The following TOLLIP variants were observed in gnomAD, a reference collection of about 807,000 sequenced individuals.
The protein encoded by TOLLIP is toll interacting protein.
Under a neutral mutation model 33.5 loss-of-function variants are expected in TOLLIP, and 16 were observed. That is an observed-to-expected ratio of 0.48 (90% CI 0.32 to 0.72). The LOEUF (loss-of-function observed/expected upper bound fraction) is 0.72. TOLLIP is among the 30% of genes least tolerant of loss of function. The pLI is 0.03. For missense variants in TOLLIP, 325 were observed against 396.6 expected (o/e 0.82, Z 1.53); for synonymous variants, 176 against 163.7 (o/e 1.07, Z -0.57).
In TOLLIP at chr11:1,288,832, C is replaced by T. The variant is rs185979803; in HGVS notation, c.367-56G>A. On this transcript the variant is annotated intron_variant, in intron 3 of 5. Transcript: ENST00000317204. ...CATCAGGGAAGGGGCCACCCTGCCC[C>T]TGCAGCCGCACCATCGTGGGCCCGC... is the stretch of plus-strand genomic sequence containing the variant. 1.2e-4 allele frequency: 195 copies of T among 1,572,916 alleles called. 1 individual carries two copies. The African/African-American group carries it at 2.4e-3, about 19-fold the overall frequency.
intron 4 of TOLLIP, 30 bp downstream of exon 4, chr11:1,288,594 C>A: frequency 6.9e-6 from 11 of 1,585,672 alleles, no homozygotes; most frequent in Non-Finnish European, 9.4e-6. Context: ...TACCCCAATG[C>A]GCCCCACCCC....
intron 5 of TOLLIP, among the ~76,000 whole-genome samples, chr11:1,281,338 C>T (rs945060653): frequency 1.3e-5 from 2 of 152,186 alleles, no homozygotes; most frequent in South Asian, 2.1e-4. Flanking sequence ...CTCAGCGCCC[C>T]GGCTTCTGAG....
intron 1 of TOLLIP, among the ~76,000 whole-genome samples, chr11:1,309,027 G>T (rs1034554131): frequency 2.0e-5 from 3 of 151,734 alleles, no homozygotes; most frequent in African/African-American, 7.3e-5. Flanking sequence ...CCACCTGGGG[G>T]ACCATTAGGG....
intron 5 of TOLLIP, among the ~76,000 whole-genome samples, chr11:1,284,033 G>C (rs567713421): frequency 1.3e-5 from 2 of 152,326 alleles, no homozygotes; most frequent in African/African-American, 2.4e-5. Flanking sequence ...ACCCCACGAC[G>C]GCGGCTCTGG....
chr11:1,281,600 G>C (rs1237299493), intron 5 of TOLLIP, among the ~76,000 whole-genome samples: 2 of 152,244 alleles, frequency 1.3e-5, no homozygotes, highest in African/African-American at 4.8e-5. Flanking sequence ...CGGCTGAAGG[G>C]GCTGGCGAGA....
intron 1 of TOLLIP, among the ~76,000 whole-genome samples, chr11:1,297,430 C>T (rs900511013): frequency 2.6e-5 from 4 of 152,196 alleles, no homozygotes; most frequent in African/African-American, 4.8e-5. Context: ...GGGACCCGGA[C>T]GATCCAGGCA....
In TOLLIP at chr11:1,286,095, G is replaced by T; in HGVS notation, c.520-3C>A. 1 of 1,590,392 alleles carries T rather than the reference G, an allele frequency of 6.3e-7. No homozygotes were observed. Among genetic ancestry groups the T allele is most frequent in the Non-Finnish European group, 8.6e-7 (1 of 1,169,408 alleles). ...ATCACCATGGCAGCTGGAAGCAGCT[G>T]AAACACAGCGGAGATGGTCCCGGGG... On this transcript the variant is annotated splice_polypyrimidine_tract_variant and splice_region_variant and intron_variant, in intron 4 of 5. Transcript: ENST00000317204.
chr11:1,295,792 C>A lies in TOLLIP; in HGVS notation c.36G>T (p.Val12=). The A allele has an allele frequency of 6.4e-7, 1 of 1,561,482 alleles. No individual in the cohort carries two copies. The highest frequency in any genetic ancestry group is 8.7e-7 in the Non-Finnish European group (1 of 1,151,590). Residue 12 remains valine (V), a splice_region_variant and synonymous_variant, in exon 2 of 6, where the codon GTG becomes GTT. Coordinates refer to ENST00000317204, the MANE Select transcript of TOLLIP (RefSeq NM_019009.4). The part of the protein sequence containing the change: ...ATTVSTQRGP[V]YIGELPQDFL... ...AGTCCTGCGGGAGCTCACCGATGTA[C>A]ACCTGCGGGGCCGGGGACCAGAGAG...
intron 2 of TOLLIP, among the ~76,000 whole-genome samples, chr11:1,293,014 C>T (rs1197523205): frequency 6.6e-6 from 1 of 152,148 alleles, no homozygotes; most frequent in Non-Finnish European, 1.5e-5. Context: ...AACGGACCTA[C>T]TCTGGCCACG....
At chr11:1,292,998 C>A (rs937312196) in intron 2 of TOLLIP, among the ~76,000 whole-genome samples, 3 of 152,178 alleles carry the variant, frequency 2.0e-5, no homozygotes, top group African/African-American at 7.2e-5. Context: ...GAAAGGCCCA[C>A]GCGGGAACGG....
chr11:1,292,031 C>A (rs1485445223), intron 2 of TOLLIP: 2 of 152,326 alleles, frequency 1.3e-5, no homozygotes, highest in Admixed American at 1.3e-4. Flanking sequence ...TAGGTCAAAA[C>A]TGCCCCATTC....
intron 4 of TOLLIP, 78 bp from the exon 5 acceptor site, chr11:1,286,170 A>T (rs1863686671): frequency 8.8e-7 from 1 of 1,140,576 alleles, no homozygotes; most frequent in East Asian, 2.6e-5. Flanking sequence ...CCCTCCCCAC[A>T]ATTGCCCTCC....
intron 2 of TOLLIP, among the ~76,000 whole-genome samples, chr11:1,293,625 C>T (rs1277305550): frequency 6.6e-6 from 1 of 152,262 alleles, no homozygotes; most frequent in Non-Finnish European, 1.5e-5. Flanking sequence ...GCTGGGTGAG[C>T]TCACGTGGAG....
chr11:1,284,064 G>T (rs1260672578), intron 5 of TOLLIP, among the ~76,000 whole-genome samples: 1 of 152,204 alleles, frequency 6.6e-6, no homozygotes, highest in Non-Finnish European at 1.5e-5. Context: ...TTACAAATCA[G>T]AACCTCCAGG....
intron 5 of TOLLIP, among the ~76,000 whole-genome samples, chr11:1,280,149 T>C (rs969482715): frequency 6.6e-6 from 1 of 152,276 alleles, no homozygotes; most frequent in Non-Finnish European, 1.5e-5. Flanking sequence ...TCATTTTGAA[T>C]GGAACCATTT....
At chr11:1,305,518 A>G (rs1864400448) in intron 1 of TOLLIP, among the ~76,000 whole-genome samples, 1 of 152,220 alleles carries the variant, frequency 6.6e-6, no homozygotes, top group South Asian at 2.1e-4. Flanking sequence ...TCTTTCACGA[A>G]TTGTGTTTCA....
At chr11:1,301,081 T>G (rs1358528734) in intron 1 of TOLLIP, among the ~76,000 whole-genome samples, 1 of 152,256 alleles carries the variant, frequency 6.6e-6, no homozygotes, top group Non-Finnish European at 1.5e-5. Context: ...CTTCTAGCAC[T>G]TCATGACTAT....
At chr11:1,284,230 C>G (rs1325006671) in intron 5 of TOLLIP, among the ~76,000 whole-genome samples, 1 of 152,190 alleles carries the variant, frequency 6.6e-6, no homozygotes, top group Non-Finnish European at 1.5e-5. Flanking sequence ...GATGCCCACC[C>G]TCCTCTAACT....
chr11:1,279,852 G>C (rs1863437533), intron 5 of TOLLIP, among the ~76,000 whole-genome samples: 1 of 152,186 alleles, frequency 6.6e-6, no homozygotes, highest in Non-Finnish European at 1.5e-5. Context: ...CGGTGGGCAG[G>C]GGAGCATCAG....
Sources: allele counts gnomAD v4.1 joint callset (sites outside exome capture counted in the v4.1 genomes callset), GRCh38; gene constraint gnomAD v4.1.1; transcripts MANE v1.5; gene names NCBI Gene and HGNC (gene_info 2026-07-23, HGNC 2026-07-21).